BACH2: variants seen among roughly 807,000 people sequenced by gnomAD.
BACH2 encodes BACH transcriptional regulator 2.
BACH2 carries 5 observed loss-of-function variants against 61.8 expected under a neutral mutation model. The observed-to-expected ratio is 0.08, with a 90% CI of 0.04 to 0.17. BACH2 has a LOEUF of 0.17. BACH2 is among the 10% of genes least tolerant of loss of function. The probability of loss-of-function intolerance (pLI) is 1.00; values close to 1 mark genes in which losing one functional copy is unlikely to be tolerated. For synonymous variants in BACH2, 446 were observed against 440.1 expected (o/e 1.01, Z -0.17); for missense variants, 824 against 1,091.1 (o/e 0.76, Z 3.45).
intron 5 of BACH2, among the ~76,000 whole-genome samples, chr6:90,060,446 AT>A (rs964783803): frequency 9.9e-5 from 15 of 151,544 alleles, no homozygotes; most frequent in African/African-American, 1.7e-4. Context: ...TTTTTTGATA[AT>A]TTTTTTTTAT....
At chr6:90,239,798 T>TATACAC (rs1395114769) in intron 3 of BACH2, among the ~76,000 whole-genome samples, 30 of 132,300 alleles carry the variant, frequency 2.3e-4, no homozygotes, top group Non-Finnish European at 4.0e-4. Context: ...GGGGGGGGAA[T>TATACAC]ACACACACAC....
chr6:90,210,312 A>AACACACACAC (rs3072671), intron 3 of BACH2, among the ~76,000 whole-genome samples: 18 of 147,248 alleles, frequency 1.2e-4, no homozygotes, highest in African/African-American at 4.0e-4. Context: ...ACCCCAAAAC[A>AACACACACAC]ACACACACAC....
At chr6:90,115,584 C>T (rs1410289621) in intron 4 of BACH2, among the ~76,000 whole-genome samples, 1 of 152,080 alleles carries the variant, frequency 6.6e-6, no homozygotes, top group Admixed American at 6.6e-5. Flanking sequence ...ACAACCTGGG[C>T]AATACCATCC....
intron 5 of BACH2, chr6:90,080,872 A>G (rs957629652): frequency 2.9e-6 from 2 of 684,712 alleles, no homozygotes; most frequent in African/African-American, 3.9e-5. Flanking sequence ...AGCAGCTCTG[A>G]TGAGATGTCT....
intron 2 of BACH2, among the ~76,000 whole-genome samples, chr6:90,261,847 CCAAT>C (rs1285157452): frequency 6.6e-6 from 1 of 152,082 alleles, no homozygotes; most frequent in Non-Finnish European, 1.5e-5. Context: ...ATACTCATAA[CCAAT>C]CAGTTACCAA....
intron 6 of BACH2, among the ~76,000 whole-genome samples, chr6:89,962,037 T>C (rs1438903809): frequency 1.3e-5 from 2 of 152,240 alleles, no homozygotes; most frequent in Non-Finnish European, 2.9e-5. Context: ...TAAAAACTAC[T>C]ATTCAGTCAA....
chr6:90,226,345 C>G (rs771615954), intron 3 of BACH2, among the ~76,000 whole-genome samples: 11 of 152,134 alleles, frequency 7.2e-5, no homozygotes, highest in Non-Finnish European at 1.3e-4. Flanking sequence ...TCCCTGACTG[C>G]TCAACTCCAT....
chr6:90,170,910 T>C (rs1767789383), intron 4 of BACH2, among the ~76,000 whole-genome samples: 1 of 151,996 alleles, frequency 6.6e-6, no homozygotes. Context: ...AGTAAGTAGG[T>C]AAGTCCTGCA....
chr6:90,256,671 T>C (rs1267377643), intron 2 of BACH2, among the ~76,000 whole-genome samples: 1 of 152,214 alleles, frequency 6.6e-6, no homozygotes, highest in Admixed American at 6.5e-5. Context: ...CAACGTGATG[T>C]TATAGGCTTA....
chr6:90,003,812 A>G (rs368631094), intron 6 of BACH2, among the ~76,000 whole-genome samples: 11 of 152,164 alleles, frequency 7.2e-5, no homozygotes, highest in African/African-American at 2.4e-4. Context: ...GTTTAGGTGA[A>G]TGGGGTGAGG....
intron 5 of BACH2, among the ~76,000 whole-genome samples, chr6:90,063,321 T>C (rs977713278): frequency 1.3e-5 from 2 of 152,088 alleles, no homozygotes; most frequent in Non-Finnish European, 2.9e-5. Flanking sequence ...CCAAGAAAAA[T>C]CTAAGCATCC....
rs759035058 is a variant in BACH2 at position 89,950,572 on chromosome 6, G to T, written c.1534C>A (p.Pro512Thr). 1.8e-5 allele frequency: 29 copies of T among 1,611,506 alleles called. No individual in the cohort carries two copies. The highest frequency in any genetic ancestry group is 6.7e-5 in the East Asian group (3 of 44,844). The change falls in exon 7 of 9, where the codon CCC becomes ACC. Residue 512 changes from proline (P) to threonine (T), a missense_variant. Pro to Thr is a conservative substitution (Grantham distance 38). Coordinates refer to ENST00000257749, the MANE Select transcript of BACH2 (RefSeq NM_021813.4). This position sits in a 1 kb window ranked among gnomAD's most constrained non-coding sequence, Gnocchi z 5.3. ...VPIKVCPRSP[P>T]LETRTRTSSS... Reference sequence around the variant, plus strand: ...GAAGTCCTGGTCCTGGTCTCCAAGGGGGGTGAGCGAGGGCAGACTTTGATT... The same window carrying T: ...GAAGTCCTGGTCCTGGTCTCCAAGGTGGGTGAGCGAGGGCAGACTTTGATT...
chr6:90,114,318 A>G (rs1226019350), intron 4 of BACH2, among the ~76,000 whole-genome samples: 1 of 152,206 alleles, frequency 6.6e-6, no homozygotes, highest in Non-Finnish European at 1.5e-5. Context: ...TGAATCCACC[A>G]TAACCAAGTA....
chr6:90,014,482 T>C (rs1260142922), intron 5 of BACH2, among the ~76,000 whole-genome samples: 1 of 125,554 alleles, frequency 8.0e-6, no homozygotes, highest in South Asian at 2.6e-4. Flanking sequence ...TTTTTTTTTT[T>C]TTTTTTTTTT....
intron 4 of BACH2, among the ~76,000 whole-genome samples, chr6:90,187,177 G>A (rs1220422600): frequency 3.3e-5 from 5 of 152,180 alleles, no homozygotes; most frequent in Non-Finnish European, 7.3e-5. Context: ...AGGCTTGGGT[G>A]TGGCCACCTG....
At chr6:90,096,613 G>A (rs1782390926) in intron 4 of BACH2, among the ~76,000 whole-genome samples, 1 of 152,188 alleles carries the variant, frequency 6.6e-6, no homozygotes, top group African/African-American at 2.4e-5. Context: ...AGTGTTTGCA[G>A]AGTACAGTGA....
At chr6:90,053,376 C>T (rs1034358037) in intron 5 of BACH2, among the ~76,000 whole-genome samples, 1 of 152,082 alleles carries the variant, frequency 6.6e-6, no homozygotes, top group Non-Finnish European at 1.5e-5. Context: ...AACTCCTGTG[C>T]TCTAGTGATT....
intron 3 of BACH2, among the ~76,000 whole-genome samples, chr6:90,237,174 CG>C (rs771026626): frequency 3.3e-4 from 51 of 152,304 alleles, no homozygotes; most frequent in Non-Finnish European, 6.6e-4. Flanking sequence ...CCATCCACCT[CG>C]GCCTCCCAAA....
At chr6:90,016,475 C>T (rs1778069154) in intron 5 of BACH2, among the ~76,000 whole-genome samples, 1 of 152,134 alleles carries the variant, frequency 6.6e-6, no homozygotes, top group Admixed American at 6.5e-5. Flanking sequence ...AATCTGCCTT[C>T]CAGTGATATC....
Sources: gnomAD v4.1 joint callset for allele counts (sites outside exome capture counted in the v4.1 genomes callset) on GRCh38, gnomAD v4.1.1 for gene constraint, Gnocchi (gnomAD v3.1) non-coding constraint, MANE v1.5 for transcripts, NCBI Gene and HGNC (gene_info 2026-07-23, HGNC 2026-07-21) for gene names.